The following MTUS1 variants were observed in gnomAD, a reference collection of about 807,000 sequenced individuals.
The protein encoded by MTUS1 is microtubule-associated tumor suppressor 1.
A neutral mutation model predicts 120.8 loss-of-function variants in MTUS1; 109 were observed. That is an observed-to-expected ratio of 0.90 (90% CI 0.77 to 1.06). The LOEUF (loss-of-function observed/expected upper bound fraction) is 1.06. Ranked by LOEUF, MTUS1 falls within the 50% of genes least tolerant of loss-of-function variation. The pLI is 0.00. For synonymous variants in MTUS1, 737 were observed against 550.5 expected (o/e 1.34, Z -4.74); for missense variants, 2,210 against 1,486.3 (o/e 1.49, Z -8.01).
At chr8:17,669,998 G>T (rs1213564678) in intron 8 of MTUS1, among the ~76,000 whole-genome samples, 1 of 152,200 alleles carries the variant, frequency 6.6e-6, no homozygotes, top group African/African-American at 2.4e-5. Flanking sequence ...AGAAATTGTG[G>T]GACTTAAAAC....
At chr8:17,770,699 C>G (rs1229809968) in intron 1 of MTUS1, 1 of 152,176 alleles carries the variant, frequency 6.6e-6, no homozygotes, top group African/African-American at 2.4e-5. Context: ...TTTATTCTTC[C>G]AAACTAAAGA....
Position 17,645,809 on chromosome 8 carries a change from C to T in MTUS1, c.*117G>A. On this transcript the variant is annotated 3_prime_UTR_variant, in exon 15 of 15. Coordinates refer to ENST00000693296, the MANE Select transcript of MTUS1 (RefSeq NM_001363059.2). ...TCCGCCGGTGGTGACGCTCCAGTTA[C>T]CCTACGGTGATCACACGTGTGCTGA... is the stretch of plus-strand genomic sequence containing the variant. 1 of 1,388,336 alleles carries T rather than the reference C, an allele frequency of 7.2e-7. No individual in the cohort carries two copies. The highest frequency in any genetic ancestry group is 1.6e-5 in the South Asian group (1 of 64,504). 86.0% of individuals were successfully genotyped at this position (1,388,336 alleles called of 1,614,324 possible).
chr8:17,646,574 T>C (rs1420211222), intron 14 of MTUS1, among the ~76,000 whole-genome samples: 4 of 152,088 alleles, frequency 2.6e-5, no homozygotes, highest in Non-Finnish European at 5.9e-5. Context: ...GGCAGAAGAG[T>C]GAGACCTCAT....
At chr8:17,670,765 G>C (rs1024387923) in intron 8 of MTUS1, among the ~76,000 whole-genome samples, 1 of 152,004 alleles carries the variant, frequency 6.6e-6, no homozygotes, top group Non-Finnish European at 1.5e-5. Flanking sequence ...AGAGGTCACA[G>C]TGAGCCGAGA....
chr8:17,731,512 C>T (rs959782773), intron 3 of MTUS1, among the ~76,000 whole-genome samples: 4 of 151,982 alleles, frequency 2.6e-5, no homozygotes, highest in East Asian at 1.9e-4. Flanking sequence ...TGGATTACAA[C>T]GCAAAGGGCT....
At chr8:17,770,891 C>G (rs74933363) in intron 1 of MTUS1, among the ~76,000 whole-genome samples, 2,016 of 152,264 alleles carry the variant, frequency 0.013, 37 homozygotes, top group African/African-American at 0.044. Flanking sequence ...AAACAGAAGG[C>G]ACTTTTGCCT....
Position 17,753,908 on chromosome 8 carries a change from A to G in MTUS1, c.1900T>C (p.Phe634Leu). Residue 634 changes from phenylalanine (F) to leucine (L), a missense_variant, in exon 2 of 15, where the codon TTT becomes CTT. Physicochemically the swap from Phe to Leu is conservative, Grantham distance 22. Transcript: ENST00000693296. ...GGGAGTATGCCTTTGATCTTCTGAA[A>G]CAACGCAGAAACGGACCCGGTCTCG... ...ACETGSVSAL[F>L]QKIKGILPVK... 4 of 1,614,236 alleles carry G rather than the reference A, an allele frequency of 2.5e-6. No homozygotes were observed. The highest frequency in any genetic ancestry group is 3.4e-6 in the Non-Finnish European group (4 of 1,180,040).
At chr8:17,713,114 T>C (rs1821655990) in intron 6 of MTUS1, 100 bp downstream of exon 6, 17 of 969,756 alleles carry the variant, frequency 1.8e-5, no homozygotes, top group Non-Finnish European at 2.6e-5. Flanking sequence ...TTGGAAATTC[T>C]ACTTATAAGC....
intron 6 of MTUS1, among the ~76,000 whole-genome samples, chr8:17,685,183 T>C (rs1815505481): frequency 6.6e-6 from 1 of 152,164 alleles, no homozygotes; most frequent in Non-Finnish European, 1.5e-5. Context: ...GCTTTGTTGG[T>C]CTTTTTTCCC....
At position 17,754,632 on chromosome 8, in the gene MTUS1, G is replaced by C. The variant is rs1295807600; in HGVS notation, c.1176C>G (p.Thr392=). 1 of 1,614,160 alleles carries C rather than the reference G, an allele frequency of 6.2e-7. No homozygotes were observed. The highest frequency in any genetic ancestry group is 1.1e-5 in the South Asian group (1 of 91,080). The change falls in exon 2 of 15, where the codon ACC becomes ACG. Residue 392 remains threonine (T), a synonymous_variant. Coordinates refer to ENST00000693296, the MANE Select transcript of MTUS1 (RefSeq NM_001363059.2). ...GCGGGCTACTTAGAATCAATTCTGA[G>C]GTATGATTTTGGGTTCCCAAATCCT... is the stretch of plus-strand genomic sequence containing the variant. ...KGKDLGTQNH[T]SELILSSPPG...
In MTUS1 at chr8:17,787,713, T is replaced by G. The variant is rs73666313; in HGVS notation, c.-155+13348A>C. 6.0e-3 allele frequency among the ~76,000 whole-genome samples: 913 copies of G among 152,328 alleles called. 13 individuals are homozygous for G. Among genetic ancestry groups the G allele is most frequent in the African/African-American group, 0.021 (857 of 41,570 alleles). The stretch of plus-strand genomic sequence containing the variant: ...AGAGTTAAATAAAATTTTTGGAAAC[T>G]TTCTAATACACAATTGTACATTGCT... On this transcript the variant is annotated intron_variant, in intron 1 of 14. Coordinates refer to ENST00000693296, the MANE Select transcript of MTUS1 (RefSeq NM_001363059.2).
At chr8:17,783,303 G>T (rs150072294) in intron 1 of MTUS1, among the ~76,000 whole-genome samples, 1 of 152,110 alleles carries the variant, frequency 6.6e-6, no homozygotes, top group Non-Finnish European at 1.5e-5. Flanking sequence ...TCTGGAGTTG[G>T]AATTTTCCAA....
At chr8:17,649,699 G>A (rs528520365) in intron 13 of MTUS1, 147 bp downstream of exon 13, 1 of 624,854 alleles carries the variant, frequency 1.6e-6, no homozygotes, top group African/African-American at 1.8e-5. Context: ...AACAAACTTG[G>A]AAAGAAAATG....
chr8:17,727,472 C>T (rs2046297260), intron 3 of MTUS1, among the ~76,000 whole-genome samples: 1 of 152,144 alleles, frequency 6.6e-6, no homozygotes. Context: ...GACAGGAGCT[C>T]CTACAGCGGA....
At chr8:17,719,504 T>C (rs1208383169) in intron 4 of MTUS1, among the ~76,000 whole-genome samples, 1 of 152,192 alleles carries the variant, frequency 6.6e-6, no homozygotes, top group Non-Finnish European at 1.5e-5. Flanking sequence ...AAGTTAACAG[T>C]GGTCTGGATA....
At chr8:17,718,159 G>T (rs1437230592) in intron 4 of MTUS1, among the ~76,000 whole-genome samples, 1 of 152,138 alleles carries the variant, frequency 6.6e-6, no homozygotes, top group Non-Finnish European at 1.5e-5. Flanking sequence ...CTTGAAGGAT[G>T]TATACCACCA....
intron 1 of MTUS1, among the ~76,000 whole-genome samples, chr8:17,797,889 G>C (rs1563411624): frequency 6.6e-6 from 1 of 152,094 alleles, no homozygotes; most frequent in Non-Finnish European, 1.5e-5. Flanking sequence ...ACAACACAGA[G>C]AAAGAACCCA....
At chr8:17,796,478 T>C (rs532733279) in intron 1 of MTUS1, among the ~76,000 whole-genome samples, 3 of 152,304 alleles carry the variant, frequency 2.0e-5, no homozygotes, top group African/African-American at 7.2e-5. Flanking sequence ...CACTCTAAAC[T>C]TGTTGAGAAA....
chr8:17,722,616 G>A, intron 4 of MTUS1: 2 of 973,642 alleles, frequency 2.1e-6, no homozygotes, highest in Non-Finnish European at 2.4e-6. Context: ...TCGGAAATGT[G>A]CTCATTAATT....
Sources: gnomAD v4.1 joint callset for allele counts (sites outside exome capture counted in the v4.1 genomes callset) on GRCh38, gnomAD v4.1.1 for gene constraint, MANE v1.5 for transcripts, NCBI Gene and HGNC (gene_info 2026-07-23, HGNC 2026-07-21) for gene names.